Variants in LEKR1 observed in about 807,000 individuals in gnomAD.
LEKR1 encodes leucine, glutamate and lysine rich 1, also known as protein LEKR1.
In LEKR1, 59 loss-of-function variants were observed where a neutral mutation model predicts 72.4. The ratio of observed to expected loss-of-function variants is 0.82; its 90% CI spans 0.66 to 1.01. The LOEUF is 1.01. Among genes scored for constraint, LEKR1 ranks in the 50% least tolerant of loss-of-function variants. LEKR1 has a pLI of 0.00. For synonymous variants in LEKR1, 257 were observed against 263.2 expected, an observed-to-expected ratio of 0.98 and a Z score of 0.23; for missense variants, 728 against 759.2, an observed-to-expected ratio of 0.96 and a Z score of 0.48.
chr3:156,878,555 A>G (rs1463441951), intron 3 of LEKR1, among the ~76,000 whole-genome samples: 2 of 152,188 alleles, frequency 1.3e-5, no homozygotes, highest in Admixed American at 6.5e-5. Flanking sequence ...CATGTGGTCT[A>G]TCTTGGAGAA....
intron 5 of LEKR1, among the ~76,000 whole-genome samples, chr3:156,928,470 G>T (rs1484999440): frequency 6.6e-6 from 1 of 151,934 alleles, no homozygotes; most frequent in African/African-American, 2.4e-5. Context: ...TCCATTAAAG[G>T]TTTTTATTAA....
intron 3 of LEKR1, among the ~76,000 whole-genome samples, chr3:156,916,401 T>G (rs1397989344): frequency 6.6e-6 from 1 of 152,148 alleles, no homozygotes; most frequent in African/African-American, 2.4e-5. Flanking sequence ...GCATGTGATG[T>G]TTTTCCATTT....
chr3:156,907,359 A>G (rs1722625539), intron 3 of LEKR1, among the ~76,000 whole-genome samples: 1 of 152,006 alleles, frequency 6.6e-6, no homozygotes, highest in Non-Finnish European at 1.5e-5. Flanking sequence ...ATTTTTCCCC[A>G]TTGATAAATC....
At chr3:156,967,460 G>A (rs143845818) in intron 6 of LEKR1, among the ~76,000 whole-genome samples, 1,753 of 152,262 alleles carry the variant, frequency 0.012, 13 homozygotes, top group Admixed American at 0.016. Context: ...ATCAAGGCAC[G>A]AGAACTATGT....
intron 12 of LEKR1, among the ~76,000 whole-genome samples, chr3:157,034,587 C>A (rs1734836595): frequency 6.6e-6 from 1 of 152,104 alleles, no homozygotes; most frequent in Non-Finnish European, 1.5e-5. Context: ...GGAATCTACT[C>A]CTGTGAAGAT....
chr3:156,835,492 A>G lies in LEKR1; in HGVS notation c.48+6115A>G, dbSNP rs554291009. 1.2e-4 allele frequency among the ~76,000 whole-genome samples: 19 copies of G among 152,340 alleles called. 1 individual carries two copies. The South Asian group carries it at 3.9e-3, about 32-fold the overall frequency. On this transcript the variant is annotated intron_variant, in intron 2 of 12. Coordinates refer to ENST00000356539, the MANE Select transcript of LEKR1 (RefSeq NM_001004316.3). ...CTGGGTCCCCCAAAAGAGAAACGCT[A>G]TAGGACGAGATAGTGATTTTATGGT...
intron 3 of LEKR1, among the ~76,000 whole-genome samples, chr3:156,895,868 A>T (rs1721128088): frequency 6.6e-6 from 1 of 152,214 alleles, no homozygotes; most frequent in South Asian, 2.1e-4. Flanking sequence ...ATATATATCC[A>T]GAGGAATATA....
intron 6 of LEKR1, among the ~76,000 whole-genome samples, chr3:156,946,333 A>G (rs1393400255): frequency 2.0e-5 from 3 of 151,506 alleles, no homozygotes; most frequent in Non-Finnish European, 3.0e-5. Context: ...CAGTTCTAAT[A>G]GTTTTTATGG....
At chr3:156,966,501 G>A (rs1005201840) in intron 6 of LEKR1, among the ~76,000 whole-genome samples, 3 of 152,228 alleles carry the variant, frequency 2.0e-5, no homozygotes, top group Non-Finnish European at 4.4e-5. Context: ...GGGCGTGGAG[G>A]GTCCTGCGCC....
chr3:157,014,486 A>C (rs1733150443), intron 10 of LEKR1, among the ~76,000 whole-genome samples: 1 of 152,124 alleles, frequency 6.6e-6, no homozygotes. Context: ...AAATTAAAGA[A>C]CCAAATGACC....
At chr3:156,997,035 A>G (rs1417409087) in intron 9 of LEKR1, among the ~76,000 whole-genome samples, 6 of 151,724 alleles carry the variant, frequency 4.0e-5, no homozygotes, top group African/African-American at 1.5e-4. Flanking sequence ...ATTGCACTCC[A>G]GCCTGGGCAA....
At chr3:157,029,691 G>C (rs1265629273) in intron 12 of LEKR1, among the ~76,000 whole-genome samples, 4 of 152,142 alleles carry the variant, frequency 2.6e-5, no homozygotes, top group African/African-American at 9.7e-5. Context: ...GGAGTAAGGA[G>C]GGAGAGCACA....
intron 6 of LEKR1, among the ~76,000 whole-genome samples, chr3:156,952,476 C>A (rs1486895963): frequency 6.6e-6 from 1 of 150,880 alleles, no homozygotes; most frequent in Admixed American, 6.6e-5. Context: ...GCTGTCAAAG[C>A]TAAATATTTC....
rs1357706964 is a variant in LEKR1 at position 157,020,731 on chromosome 3, G to A, written c.1204-4029G>A. ...CTTTGCTATTGTGAATAATGCCGCA[G>A]TAAACATACGTGTGCATGTGTCTTT... On this transcript the variant is annotated intron_variant, in intron 10 of 12. Transcript: ENST00000356539. Among the ~76,000 whole-genome samples the A allele has an allele frequency of 7.9e-5, 12 of 152,036 alleles. No homozygotes were observed. In the East Asian group the frequency reaches 1.4e-3, roughly 17 times the overall value.
chr3:156,916,284 T>C (rs1686647452), intron 3 of LEKR1, among the ~76,000 whole-genome samples: 1 of 152,174 alleles, frequency 6.6e-6, no homozygotes, highest in African/African-American at 2.4e-5. Context: ...AATAGTTTTT[T>C]TCTAGTTCTG....
chr3:156,899,288 G>A (rs1445427615), intron 3 of LEKR1, among the ~76,000 whole-genome samples: 4 of 136,666 alleles, frequency 2.9e-5, no homozygotes, highest in Admixed American at 7.5e-5. Flanking sequence ...ATATATACAT[G>A]TATATATACA....
intron 3 of LEKR1, among the ~76,000 whole-genome samples, chr3:156,902,487 G>T (rs186061632): frequency 4.7e-4 from 72 of 152,084 alleles, no homozygotes; most frequent in African/African-American, 1.5e-3. Context: ...ATCTTTTATA[G>T]ACATTTTATT....
rs951401091 is a variant in LEKR1, at chr3:156,920,581, C to T, written c.270C>T (p.Tyr90=). The part of the protein sequence containing the change: ...IDNKSKTERI[Y]DVGMQLKSQQ... ...TGTTTGTTTATATTTTTAGAATTTA[C>T]GATGTAGGCATGCAGTTAAAAAGTC... The change falls in exon 4 of 13, where the codon TAC becomes TAT. Residue 90 remains tyrosine, a synonymous_variant. Coordinates refer to ENST00000356539, the MANE Select transcript of LEKR1 (RefSeq NM_001004316.3). The T allele has an allele frequency of 1.2e-5, 18 of 1,453,390 alleles. No homozygotes were observed. Among genetic ancestry groups the T allele is most frequent in the Admixed American group, 2.2e-5 (1 of 44,742 alleles). The allele number at this position is 1,453,390 out of a possible 1,614,324, so 90.0% of individuals were successfully genotyped here. A position where few individuals can be genotyped will look rare whatever the true frequency, so the allele number is the denominator to read the frequency against.
intron 3 of LEKR1, among the ~76,000 whole-genome samples, chr3:156,900,782 G>A (rs1721950665): frequency 6.6e-6 from 1 of 152,138 alleles, no homozygotes; most frequent in Non-Finnish European, 1.5e-5. Flanking sequence ...ATGGCAGGCA[G>A]TAATTTGAAT....
Sources: gnomAD v4.1 joint callset for allele counts (sites outside exome capture counted in the v4.1 genomes callset) on GRCh38, gnomAD v4.1.1 for gene constraint, MANE v1.5 for transcripts, NCBI Gene and HGNC (gene_info 2026-07-23, HGNC 2026-07-21) for gene names.